The following ARHGAP32 variants were observed in gnomAD, a reference collection of about 807,000 sequenced individuals.
The protein encoded by ARHGAP32 is rho GTPase-activating protein 32.
Under a neutral mutation model 186.5 loss-of-function variants are expected in ARHGAP32, and 51 were observed. The observed-to-expected ratio is 0.27, with a 90% CI of 0.22 to 0.35. The LOEUF is 0.35. ARHGAP32 is among the 10% of genes least tolerant of loss of function. ARHGAP32 has a pLI of 1.00. For missense variants in ARHGAP32, 2,186 were observed against 2,623.5 expected (o/e 0.83, Z 3.64); for synonymous variants, 950 against 964.3 (o/e 0.99, Z 0.27).
intron 1 of ARHGAP32, among the ~76,000 whole-genome samples, chr11:129,244,612 T>C (rs990403502): frequency 6.6e-6 from 1 of 151,696 alleles, no homozygotes; most frequent in Non-Finnish European, 1.5e-5. Flanking sequence ...CTAATTAAAC[T>C]AAAGAGCTTC....
intron 1 of ARHGAP32, among the ~76,000 whole-genome samples, chr11:129,226,501 T>C (rs1944783800): frequency 6.6e-6 from 1 of 152,118 alleles, no homozygotes; most frequent in Admixed American, 6.6e-5. Flanking sequence ...CAATCAAGAC[T>C]TGTGAAACAA....
chr11:129,173,398 G>T (rs929969747), intron 1 of ARHGAP32, among the ~76,000 whole-genome samples: 1 of 151,292 alleles, frequency 6.6e-6, no homozygotes, highest in Non-Finnish European at 1.5e-5. Context: ...GTACAAAGAG[G>T]AGCTGGTACC....
chr11:129,023,018 T>A (rs1049811140), intron 11 of ARHGAP32, among the ~76,000 whole-genome samples: 5 of 152,186 alleles, frequency 3.3e-5, no homozygotes, highest in Non-Finnish European at 7.4e-5. Flanking sequence ...TTTATGGTTT[T>A]AAAAATTAAA....
intron 11 of ARHGAP32, among the ~76,000 whole-genome samples, chr11:129,017,447 CA>C (rs71472084): frequency 1.3e-3 from 117 of 89,560 alleles, no homozygotes; most frequent in East Asian, 2.7e-3. Context: ...GACCCGGTCT[CA>C]AAAAAAAAAA....
At chr11:128,992,137 T>C (rs1210620587) in intron 12 of ARHGAP32, among the ~76,000 whole-genome samples, 1 of 152,188 alleles carries the variant, frequency 6.6e-6, no homozygotes, top group Non-Finnish European at 1.5e-5. Context: ...TCTGGTGTTA[T>C]CTGGGCCTTG....
chr11:129,018,815 C>T (rs1252742328), intron 11 of ARHGAP32, among the ~76,000 whole-genome samples: 1 of 152,040 alleles, frequency 6.6e-6, no homozygotes, highest in Non-Finnish European at 1.5e-5. Flanking sequence ...ATTAAAGGAA[C>T]TGAACAAATA....
At chr11:129,239,318 A>G (rs1461740229) in intron 1 of ARHGAP32, among the ~76,000 whole-genome samples, 1 of 152,182 alleles carries the variant, frequency 6.6e-6, no homozygotes, top group Non-Finnish European at 1.5e-5. Flanking sequence ...ACATGCAGTA[A>G]GCATTCTGCA....
At chr11:129,149,903 G>A (rs1943251462) in intron 2 of ARHGAP32, among the ~76,000 whole-genome samples, 1 of 151,710 alleles carries the variant, frequency 6.6e-6, no homozygotes, top group Non-Finnish European at 1.5e-5. Context: ...AGAAAATACA[G>A]GATATAGATA....
chr11:129,003,798 G>A (rs1937630225), intron 11 of ARHGAP32, among the ~76,000 whole-genome samples: 1 of 151,454 alleles, frequency 6.6e-6, no homozygotes, highest in Admixed American at 6.6e-5. Flanking sequence ...CTAAAGGTTT[G>A]TCAATTTTGT....
At chr11:128,987,953 G>T in intron 13 of ARHGAP32, 70 bp downstream of exon 13, 2 of 998,486 alleles carry the variant, frequency 2.0e-6, no homozygotes, top group Non-Finnish European at 3.1e-6. Context: ...CAAAGTAAGT[G>T]AATCTGTTTT....
intron 1 of ARHGAP32, among the ~76,000 whole-genome samples, chr11:129,263,218 T>C (rs1291677038): frequency 2.6e-5 from 4 of 151,972 alleles, no homozygotes; most frequent in East Asian, 1.9e-4. Flanking sequence ...GCACAGGCAA[T>C]AGGAAAAATA....
At chr11:129,146,412 C>G (rs555360061) in intron 2 of ARHGAP32, among the ~76,000 whole-genome samples, 41 of 152,206 alleles carry the variant, frequency 2.7e-4, no homozygotes, top group African/African-American at 9.9e-4. Flanking sequence ...TGAATCATCA[C>G]CAGCATATCC....
At chr11:129,008,258 C>T (rs1263522953) in intron 11 of ARHGAP32, among the ~76,000 whole-genome samples, 1 of 152,054 alleles carries the variant, frequency 6.6e-6, no homozygotes, top group Non-Finnish European at 1.5e-5. Context: ...TTTGGTGCTC[C>T]TCAAGGGGAA....
chr11:129,112,007 C>T (rs1273106357), intron 5 of ARHGAP32, among the ~76,000 whole-genome samples: 1 of 152,160 alleles, frequency 6.6e-6, no homozygotes, highest in African/African-American at 2.4e-5. Context: ...AAGTGATCTG[C>T]CTGCCTCGGC....
intron 1 of ARHGAP32, among the ~76,000 whole-genome samples, chr11:129,257,866 A>C (rs1267569738): frequency 2.0e-5 from 3 of 152,162 alleles, no homozygotes; most frequent in African/African-American, 7.2e-5. Context: ...ATTTCATAAA[A>C]TCAAGTAATG....
At chr11:129,254,421 A>T (rs768820395) in intron 1 of ARHGAP32, among the ~76,000 whole-genome samples, 8 of 152,118 alleles carry the variant, frequency 5.3e-5, no homozygotes, top group Non-Finnish European at 1.0e-4. Context: ...AAAGAAAATA[A>T]GTAAACATGA....
chr11:129,063,588 G>C (rs1394718827), intron 9 of ARHGAP32, among the ~76,000 whole-genome samples: 1 of 152,028 alleles, frequency 6.6e-6, no homozygotes, highest in Non-Finnish European at 1.5e-5. Context: ...TGATATATCA[G>C]CAATAAGCCA....
chr11:129,024,030 G>A (rs973336967), intron 11 of ARHGAP32: 1 of 985,418 alleles, frequency 1.0e-6, no homozygotes, highest in Non-Finnish European at 1.2e-6. Flanking sequence ...TTCAAGTTAG[G>A]TCCCACATCA....
intron 1 of ARHGAP32, among the ~76,000 whole-genome samples, chr11:129,178,777 G>A (rs368746629): frequency 1.3e-5 from 2 of 151,116 alleles, no homozygotes; most frequent in African/African-American, 4.9e-5. Flanking sequence ...CCTTACACCT[G>A]ATACAAAAAT....
Sources: allele counts gnomAD v4.1 joint callset (sites outside exome capture counted in the v4.1 genomes callset), GRCh38; gene constraint gnomAD v4.1.1; transcripts MANE v1.5; gene names NCBI Gene and HGNC (gene_info 2026-07-23, HGNC 2026-07-21).